Variants in NFIC observed in about 807,000 individuals in gnomAD.
The protein encoded by NFIC is nuclear factor I C, also known as nuclear factor 1 C-type.
A neutral mutation model predicts 54.4 loss-of-function variants in NFIC; 12 were observed. That is an observed-to-expected ratio of 0.22 (90% CI 0.14 to 0.36). The LOEUF (loss-of-function observed/expected upper bound fraction) is 0.36. Among genes scored for constraint, NFIC ranks in the 10% least tolerant of loss-of-function variants. NFIC has a pLI of 1.00. For missense variants in NFIC, 575 were observed against 718.2 expected, an observed-to-expected ratio of 0.80 and a Z score of 2.28; for synonymous variants, 322 against 319.2, an observed-to-expected ratio of 1.01 and a Z score of -0.09.
chr19:3,443,271 A>C (rs2082320584), intron 6 of NFIC, among the ~76,000 whole-genome samples: 1 of 152,144 alleles, frequency 6.6e-6, no homozygotes, highest in East Asian at 1.9e-4. Context: ...AAAAATACCA[A>C]ATTAGCTGCA....
chr19:3,452,333 G>T lies in NFIC; in HGVS notation c.1085-149G>T. The T allele has an allele frequency of 1.0e-6, 1 of 977,032 alleles. No individual in the cohort carries two copies. 60.5% of individuals were successfully genotyped at this position (977,032 alleles called of 1,614,324 possible). ...GTCGGGGAATTTGGGTGTCAATGTGGTCAGTGCTGCTGGGTTTTTTTGGTG... is the reference window on the plus strand; with the variant it reads ...GTCGGGGAATTTGGGTGTCAATGTGTTCAGTGCTGCTGGGTTTTTTTGGTG... On this transcript the variant is annotated intron_variant, in intron 7 of 10. Coordinates refer to ENST00000443272, the MANE Select transcript of NFIC (RefSeq NM_001245002.2). This position sits in a 1 kb window ranked among gnomAD's most constrained non-coding sequence, Gnocchi z 5.3.
intron 1 of NFIC, among the ~76,000 whole-genome samples, chr19:3,367,536 C>T (rs1357874838): frequency 6.6e-6 from 1 of 152,188 alleles, no homozygotes; most frequent in Non-Finnish European, 1.5e-5. Context: ...CAGACTGCCC[C>T]GGGGCCGAGC....
chr19:3,457,783 G>A (rs2082582257), intron 10 of NFIC: 1 of 152,154 alleles, frequency 6.6e-6, no homozygotes, highest in African/African-American at 2.4e-5. Context: ...GGGCTGTCCT[G>A]GCTGAGCGGA....
At chr19:3,399,194 C>T (rs1449730432) in intron 2 of NFIC, among the ~76,000 whole-genome samples, 1 of 152,230 alleles carries the variant, frequency 6.6e-6, no homozygotes, top group Non-Finnish European at 1.5e-5. Context: ...AGGCAGGTGG[C>T]ATCCCCTCTC....
chr19:3,391,142 C>G (rs2081371273), intron 2 of NFIC, among the ~76,000 whole-genome samples: 1 of 151,982 alleles, frequency 6.6e-6, no homozygotes, highest in East Asian at 1.9e-4. Flanking sequence ...CCCATCTACT[C>G]AGGAGGCTGA....
chr19:3,403,410 A>T (rs554165628), intron 2 of NFIC, among the ~76,000 whole-genome samples: 3 of 151,920 alleles, frequency 2.0e-5, no homozygotes, highest in Admixed American at 2.0e-4. Context: ...AAAGCAGAAC[A>T]CTCCACAATC....
intron 6 of NFIC, among the ~76,000 whole-genome samples, chr19:3,441,886 C>T (rs1025202621): frequency 7.2e-5 from 11 of 152,214 alleles, no homozygotes; most frequent in Non-Finnish European, 1.2e-4. Flanking sequence ...TCGGCATCCT[C>T]CCCCCACCCT....
intron 10 of NFIC, 81 bp from the exon 11 acceptor site, chr19:3,462,671 C>T (rs374651820): frequency 1.3e-4 from 200 of 1,504,622 alleles, no homozygotes; most frequent in Non-Finnish European, 1.7e-4. Context: ...AAGAGGTAAA[C>T]CATGTCTGCA....
intron 1 of NFIC, among the ~76,000 whole-genome samples, chr19:3,379,529 A>G (rs1033133120): frequency 2.5e-4 from 38 of 150,902 alleles, no homozygotes; most frequent in African/African-American, 9.3e-4. Context: ...TATTTTTAGT[A>G]AAGATGGGGT....
intron 1 of NFIC, among the ~76,000 whole-genome samples, chr19:3,379,361 T>G (rs957374279): frequency 1.4e-5 from 2 of 144,992 alleles, no homozygotes; most frequent in African/African-American, 5.0e-5. Context: ...CCCAGCCGGG[T>G]TTTTTTTTTT....
intron 1 of NFIC, among the ~76,000 whole-genome samples, chr19:3,360,959 C>A (rs1244809284): frequency 1.3e-5 from 2 of 152,184 alleles, no homozygotes; most frequent in Non-Finnish European, 2.9e-5. Flanking sequence ...GAAGGGTCTG[C>A]CTTCCACTCC....
At chr19:3,445,083 G>A (rs116705579) in intron 6 of NFIC, among the ~76,000 whole-genome samples, 1,942 of 151,812 alleles carry the variant, frequency 0.013, 37 homozygotes, top group African/African-American at 0.045. Flanking sequence ...GCGTGCACAC[G>A]TCCACATATG....
upstream of NFIC, among the ~76,000 whole-genome samples, chr19:3,362,421 G>A (rs1317881406): frequency 1.3e-4 from 19 of 151,888 alleles, no homozygotes; most frequent in Admixed American, 1.2e-3. Flanking sequence ...GTGTGTGTGT[G>A]TGTGTGTCTC....
chr19:3,418,122 A>G (rs1383934063), intron 2 of NFIC, among the ~76,000 whole-genome samples: 1 of 138,252 alleles, frequency 7.2e-6, no homozygotes, highest in Non-Finnish European at 1.6e-5. Flanking sequence ...TTTTTGAGAC[A>G]TAGTCTCGCT....
intron 2 of NFIC, among the ~76,000 whole-genome samples, chr19:3,391,968 G>T (rs2145504806): frequency 6.6e-6 from 1 of 151,980 alleles, no homozygotes; most frequent in East Asian, 1.9e-4. Flanking sequence ...GCAGACAGCT[G>T]TGTAACCCTG....
At chr19:3,461,181 C>T (rs201137342) in intron 10 of NFIC, among the ~76,000 whole-genome samples, 1 of 150,340 alleles carries the variant, frequency 6.7e-6, no homozygotes, top group Non-Finnish European at 1.5e-5. Flanking sequence ...TGTGGTGGCT[C>T]ATGTCTGTAA....
upstream of NFIC, among the ~76,000 whole-genome samples, chr19:3,364,092 T>C (rs1220572502): frequency 6.6e-6 from 1 of 152,116 alleles, no homozygotes; most frequent in East Asian, 1.9e-4. Flanking sequence ...TCAACTCTTT[T>C]GTGCTCCTGT....
At chr19:3,400,319 C>CA (rs1017646867) in intron 2 of NFIC, among the ~76,000 whole-genome samples, 11 of 151,590 alleles carry the variant, frequency 7.3e-5, no homozygotes, top group Non-Finnish European at 1.3e-4. Context: ...ACTAAAAATA[C>CA]AAAAAAAATT....
At chr19:3,402,045 A>T (rs1402112300) in intron 2 of NFIC, among the ~76,000 whole-genome samples, 16 of 137,270 alleles carry the variant, frequency 1.2e-4, no homozygotes, top group South Asian at 2.3e-4. Context: ...TTTCTTTCTT[A>T]TTTTTTTTTC....
Sources: allele counts gnomAD v4.1 joint callset (sites outside exome capture counted in the v4.1 genomes callset), GRCh38; gene constraint gnomAD v4.1.1; non-coding constraint Gnocchi (gnomAD v3.1); transcripts MANE v1.5; gene names NCBI Gene and HGNC (gene_info 2026-07-23, HGNC 2026-07-21).